NETO1: variants seen among roughly 807,000 people sequenced by gnomAD.
NETO1 encodes the protein neuropilin and tolloid-like protein 1.
In NETO1, 26 loss-of-function variants were observed where a neutral mutation model predicts 61.3. The ratio of observed to expected loss-of-function variants is 0.42; its 90% CI spans 0.31 to 0.59. The LOEUF (loss-of-function observed/expected upper bound fraction) is 0.59, where lower values mean the gene tolerates loss of function less well. NETO1 is among the 20% of genes least tolerant of loss of function. NETO1 has a pLI of 0.12. For missense variants in NETO1, 531 were observed against 662.8 expected (o/e 0.80, Z 2.18); for synonymous variants, 225 against 225.8 (o/e 1.00, Z 0.03).
chr18:72,862,625 T>G (rs1233517771), intron 3 of NETO1, among the ~76,000 whole-genome samples: 2 of 147,582 alleles, frequency 1.4e-5, no homozygotes, highest in Admixed American at 1.4e-4. Flanking sequence ...TTTTTTTCTT[T>G]TTTTTTTTTT....
chr18:72,862,217 A>G (rs558471655), intron 3 of NETO1, among the ~76,000 whole-genome samples: 3 of 152,326 alleles, frequency 2.0e-5, no homozygotes, highest in East Asian at 3.9e-4. Context: ...CTGGGGCTCT[A>G]TCTAAGGTTA....
intron 7 of NETO1, among the ~76,000 whole-genome samples, chr18:72,779,848 G>A (rs1336104758): frequency 1.3e-5 from 2 of 152,078 alleles, no homozygotes; most frequent in East Asian, 3.9e-4. Flanking sequence ...TGTTTCCCAC[G>A]GTTCTGGATG....
Position 72,867,254 on chromosome 18 carries a change from G to A in NETO1, c.28+10C>T. On this transcript the variant is annotated intron_variant, in intron 1 of 10. Coordinates refer to ENST00000327305, the MANE Select transcript of NETO1 (RefSeq NM_138966.5). ...CGGGAGCGCACGGGCGCGGCGGGGAGGGTACTCACTGTGAAGCACGCTGCG... is the reference window on the plus strand; with the variant it reads ...CGGGAGCGCACGGGCGCGGCGGGGAAGGTACTCACTGTGAAGCACGCTGCG... 6.5e-7 allele frequency: 1 copy of A among 1,549,896 alleles called. No individual in the cohort carries two copies. Among genetic ancestry groups the A allele is most frequent in the Non-Finnish European group, 8.7e-7 (1 of 1,147,280 alleles).
intron 4 of NETO1, among the ~76,000 whole-genome samples, chr18:72,845,716 A>T (rs1028312543): frequency 3.9e-5 from 6 of 152,248 alleles, no homozygotes; most frequent in African/African-American, 1.4e-4. Flanking sequence ...AATAACTTCA[A>T]ACCATTGAGA....
At chr18:72,774,735 G>T in intron 7 of NETO1, among the ~76,000 whole-genome samples, 1 of 152,110 alleles carries the variant, frequency 6.6e-6, no homozygotes, top group East Asian at 1.9e-4. Flanking sequence ...ACATTTAAAT[G>T]TTAAACAAAT....
intron 7 of NETO1, among the ~76,000 whole-genome samples, chr18:72,770,447 T>C (rs1265355991): frequency 6.6e-6 from 1 of 152,114 alleles, no homozygotes; most frequent in Non-Finnish European, 1.5e-5. Flanking sequence ...ATGTATATTT[T>C]AGGAAGACCT....
At chr18:72,755,987 C>A in intron 8 of NETO1, 47 bp downstream of exon 8, 1 of 1,003,560 alleles carries the variant, frequency 1.0e-6, no homozygotes, top group Non-Finnish European at 1.6e-6. Flanking sequence ...TTCTACCCCA[C>A]TCCACAGGGA....
At chr18:72,813,299 A>C (rs1298074838) in intron 4 of NETO1, among the ~76,000 whole-genome samples, 1 of 152,250 alleles carries the variant, frequency 6.6e-6, no homozygotes, top group African/African-American at 2.4e-5. Context: ...GGTTACACGG[A>C]TTATGCATGG....
chr18:72,829,913 T>C (rs2073517568), intron 4 of NETO1, among the ~76,000 whole-genome samples: 1 of 152,122 alleles, frequency 6.6e-6, no homozygotes, highest in South Asian at 2.1e-4. Flanking sequence ...TACCCTAGGA[T>C]TGACTCAGCA....
chr18:72,866,866 G>T, intron 1 of NETO1: 4 of 900,854 alleles, frequency 4.4e-6, no homozygotes, highest in Non-Finnish European at 5.4e-6. Flanking sequence ...ACAGGGGCCC[G>T]CCGAGCTCCG....
At chr18:72,833,529 T>C (rs955856234) in intron 4 of NETO1, among the ~76,000 whole-genome samples, 10 of 152,184 alleles carry the variant, frequency 6.6e-5, no homozygotes, top group Non-Finnish European at 1.5e-4. Context: ...GAAGTAAAAC[T>C]GGTTTAGTAA....
At chr18:72,796,356 T>C (rs1438602701) in intron 4 of NETO1, among the ~76,000 whole-genome samples, 2 of 152,226 alleles carry the variant, frequency 1.3e-5, no homozygotes, top group Non-Finnish European at 2.9e-5. Context: ...ACTGAGAGGC[T>C]TGGATTGCTA....
chr18:72,752,539 A>G (rs1568170677), intron 8 of NETO1, among the ~76,000 whole-genome samples: 2 of 152,170 alleles, frequency 1.3e-5, no homozygotes, highest in Admixed American at 6.5e-5. Context: ...AAGTCCTGGG[A>G]GGAAGGAGTT....
At position 72,830,685 on chromosome 18, in the gene NETO1, T is replaced by C. The variant is rs1036455919; in HGVS notation, c.469+28141A>G. On this transcript the variant is annotated intron_variant, in intron 4 of 10. Transcript: ENST00000327305. The surrounding 1 kb of genome is among the most constrained non-coding windows in gnomAD (Gnocchi z 4.9). ...AATCTGTCTTAATCCTGATTCCTAG[T>C]TGAACTGAGTCTTGCATAAAGCAAC... Among the ~76,000 whole-genome samples the C allele has an allele frequency of 6.6e-6, 1 of 152,152 alleles. No individual in the cohort carries two copies. The highest frequency in any genetic ancestry group is 2.4e-5 in the African/African-American group (1 of 41,434).
intron 7 of NETO1, among the ~76,000 whole-genome samples, chr18:72,776,203 A>T (rs2071541269): frequency 6.6e-6 from 1 of 152,282 alleles, no homozygotes; most frequent in African/African-American, 2.4e-5. Flanking sequence ...AGGAGCTGAA[A>T]AACCTGAGGG....
At chr18:72,853,370 C>T (rs1473100392) in intron 4 of NETO1, 1 of 152,502 alleles carries the variant, frequency 6.6e-6, no homozygotes, top group African/African-American at 2.4e-5. Flanking sequence ...ATGGCAAATC[C>T]GCAAGTACTT....
At chr18:72,770,428 G>A (rs1432923590) in intron 7 of NETO1, among the ~76,000 whole-genome samples, 1 of 151,892 alleles carries the variant, frequency 6.6e-6, no homozygotes, top group Non-Finnish European at 1.5e-5. Context: ...CTTATCAATA[G>A]TGTGCTTTAT....
chr18:72,750,583 G>A lies in NETO1; in HGVS notation c.1020C>T (p.Asn340=), dbSNP rs1474867855. 1 of 1,610,466 alleles carries A rather than the reference G, an allele frequency of 6.2e-7. No homozygotes were observed. The highest frequency in any genetic ancestry group is 8.5e-7 in the Non-Finnish European group (1 of 1,179,520). The part of the protein sequence containing the change: ...RKTSLLDQLT[N]TSGTVIGVTS... ...TCACGCCAATGACAGTCCCACTGGT[G>A]TTGGTCAGCTGGTCCAGCAGGCTGG... Residue 340 remains asparagine, a synonymous_variant, in exon 9 of 11, where the codon AAC becomes AAT. Transcript: ENST00000327305.
In NETO1 at chr18:72,862,609, A is replaced by G. The variant is rs2074606935; in HGVS notation, c.220+2199T>C. On this transcript the variant is annotated intron_variant, in intron 3 of 10. Transcript: ENST00000327305. ...TGATCCCCTGATCCAGCCACTCATG[A>G]TCCTTTTTTTTTCTTTTTTTTTTTT... Among the ~76,000 whole-genome samples, 3 of 127,824 alleles carry G rather than the reference A, an allele frequency of 2.3e-5. No individual in the cohort carries two copies. In the Admixed American group the frequency reaches 2.6e-4, roughly 11 times the overall value. 83.9% of individuals were successfully genotyped at this position (127,824 alleles called of 152,430 possible). A position where few individuals can be genotyped will look rare whatever the true frequency, so the allele number is the denominator to read the frequency against.
Sources: gnomAD v4.1 joint callset for allele counts (sites outside exome capture counted in the v4.1 genomes callset) on GRCh38, gnomAD v4.1.1 for gene constraint, Gnocchi (gnomAD v3.1) non-coding constraint, MANE v1.5 for transcripts, NCBI Gene and HGNC (gene_info 2026-07-23, HGNC 2026-07-21) for gene names.